Variants in PAK1 observed in about 807,000 individuals in gnomAD.
PAK1 encodes the protein p21 (RAC1) activated kinase 1.
PAK1 carries 29 observed loss-of-function variants against 67.4 expected under a neutral mutation model. The observed-to-expected ratio is 0.43, with a 90% CI of 0.32 to 0.59. The LOEUF is 0.59. Among genes scored for constraint, PAK1 ranks in the 20% least tolerant of loss-of-function variants. The pLI is 0.07. For missense variants in PAK1, 337 were observed against 670.7 expected (o/e 0.50, Z 5.50); for synonymous variants, 223 against 237.4 (o/e 0.94, Z 0.56).
the PAK1 span, among the ~76,000 whole-genome samples, chr11:77,519,130 C>T: frequency 2.0e-5 from 3 of 152,144 alleles, no homozygotes; most frequent in Non-Finnish European, 4.4e-5. Flanking sequence ...TTTATACTTT[C>T]CTGATGTTTA....
chr11:77,381,096 AG>A (rs1949746445), intron 2 of PAK1, among the ~76,000 whole-genome samples: 1 of 152,014 alleles, frequency 6.6e-6, no homozygotes, highest in Admixed American at 6.6e-5. Flanking sequence ...AAAAACAAAA[AG>A]GTCTAGAGTT....
At chr11:77,453,487 A>AT in intron 1 of PAK1, among the ~76,000 whole-genome samples, 1 of 151,662 alleles carries the variant, frequency 6.6e-6, no homozygotes. Flanking sequence ...ACTTGTAAGT[A>AT]TTCTATATTT....
intron 1 of PAK1, among the ~76,000 whole-genome samples, chr11:77,415,756 T>A (rs1592388301): frequency 1.3e-5 from 2 of 152,140 alleles, no homozygotes; most frequent in East Asian, 3.8e-4. Context: ...CTGTAGACTT[T>A]ATAAACAGTG....
the PAK1 span, among the ~76,000 whole-genome samples, chr11:77,512,475 C>A: frequency 6.6e-6 from 1 of 152,010 alleles, no homozygotes; most frequent in South Asian, 2.1e-4. Flanking sequence ...CTGGTACAGG[C>A]CAGGAGTGGG....
chr11:77,415,688 G>A (rs1011560483), intron 1 of PAK1, among the ~76,000 whole-genome samples: 1 of 152,048 alleles, frequency 6.6e-6, no homozygotes, highest in African/African-American at 2.4e-5. Context: ...GTTTCTCTGG[G>A]TGAGTCAGTG....
intron 13 of PAK1, among the ~76,000 whole-genome samples, chr11:77,335,285 C>T (rs544324276): frequency 2.0e-5 from 3 of 152,298 alleles, no homozygotes; most frequent in East Asian, 3.9e-4. Context: ...TGTTTATAGT[C>T]CTGACTTCTC....
intron 14 of PAK1, chr11:77,325,376 C>T (rs1343808830): frequency 6.2e-7 from 1 of 1,613,314 alleles, no homozygotes; most frequent in Non-Finnish European, 8.5e-7. Context: ...AGTTTTCTCA[C>T]CTGTAAAAAT....
At chr11:77,496,100 C>A in the PAK1 span, among the ~76,000 whole-genome samples, 8 of 151,524 alleles carry the variant, frequency 5.3e-5, no homozygotes, top group African/African-American at 1.9e-4. Context: ...CTCACTGCAA[C>A]CTCCGCTTCC....
At chr11:77,495,743 A>G in the PAK1 span, among the ~76,000 whole-genome samples, 1 of 152,320 alleles carries the variant, frequency 6.6e-6, no homozygotes, top group Admixed American at 6.5e-5. Flanking sequence ...ATGCTACAAC[A>G]TGAATGAACC....
chr11:77,331,387 A>C (rs1261477073), intron 14 of PAK1, among the ~76,000 whole-genome samples: 2 of 152,238 alleles, frequency 1.3e-5, no homozygotes, highest in Non-Finnish European at 2.9e-5. Flanking sequence ...AACCAACCTA[A>C]ATGTCCAACA....
intron 1 of PAK1, among the ~76,000 whole-genome samples, chr11:77,464,190 C>G (rs1281783405): frequency 6.6e-6 from 1 of 152,196 alleles, no homozygotes; most frequent in Non-Finnish European, 1.5e-5. Context: ...TTGAGCAGCA[C>G]ATCTCTAAAC....
intron 1 of PAK1, among the ~76,000 whole-genome samples, chr11:77,439,068 G>C (rs1193681703): frequency 1.3e-5 from 2 of 152,138 alleles, no homozygotes; most frequent in African/African-American, 4.8e-5. Context: ...TGAGAGGCCA[G>C]TGATTCGAAG....
chr11:77,463,641 C>A (rs1363569441), intron 1 of PAK1, among the ~76,000 whole-genome samples: 2 of 152,228 alleles, frequency 1.3e-5, no homozygotes, highest in African/African-American at 2.4e-5. Flanking sequence ...TTGTTCATCT[C>A]CTCATTCTAG....
At chr11:77,480,633 G>A in the PAK1 span, among the ~76,000 whole-genome samples, 1 of 149,772 alleles carries the variant, frequency 6.7e-6, no homozygotes, top group African/African-American at 2.5e-5. Context: ...AAGTGGTTCT[G>A]CTGCCGCAGC....
At chr11:77,326,965 G>A (rs1039722138) in intron 14 of PAK1, among the ~76,000 whole-genome samples, 1 of 152,194 alleles carries the variant, frequency 6.6e-6, no homozygotes, top group African/African-American at 2.4e-5. Flanking sequence ...GAAAACCAAG[G>A]CACGAGAGCT....
At chr11:77,359,430 C>T (rs1037920652) in intron 5 of PAK1, among the ~76,000 whole-genome samples, 7 of 152,126 alleles carry the variant, frequency 4.6e-5, no homozygotes, top group Non-Finnish European at 7.4e-5. Context: ...CAAAATTCAT[C>T]ACTATAATTT....
the PAK1 span, among the ~76,000 whole-genome samples, chr11:77,502,372 C>T: frequency 1.3e-5 from 2 of 152,280 alleles, 1 homozygote; most frequent in South Asian, 4.1e-4. Context: ...TACAATCACA[C>T]AGTTTTAAAA....
intron 1 of PAK1, among the ~76,000 whole-genome samples, chr11:77,414,504 G>C (rs569410799): frequency 1.3e-5 from 2 of 152,276 alleles, no homozygotes; most frequent in Admixed American, 1.3e-4. Context: ...AGACTGACTT[G>C]CTATAAAGCT....
At chr11:77,496,735 C>G in the PAK1 span, among the ~76,000 whole-genome samples, 1 of 152,178 alleles carries the variant, frequency 6.6e-6, no homozygotes, top group Non-Finnish European at 1.5e-5. Context: ...GAGTTTGAGA[C>G]CAGCCTGGCC....
Sources: gnomAD v4.1 joint callset for allele counts (sites outside exome capture counted in the v4.1 genomes callset) on GRCh38, gnomAD v4.1.1 for gene constraint, MANE v1.5 for transcripts, NCBI Gene and HGNC (gene_info 2026-07-23, HGNC 2026-07-21) for gene names.